The following RIT2 variants were observed in gnomAD, a reference collection of about 807,000 sequenced individuals.
RIT2 encodes GTP-binding protein Rit2.
A neutral mutation model predicts 23.7 loss-of-function variants in RIT2; 24 were observed. That is an observed-to-expected ratio of 1.01 (90% CI 0.73 to 1.43). RIT2 has a LOEUF of 1.43. Among genes scored for constraint, RIT2 ranks in the 40% most tolerant of loss-of-function variants. RIT2 has a pLI of 0.00. For synonymous variants in RIT2, 107 were observed against 91.1 expected, an observed-to-expected ratio of 1.17 and a Z score of -0.99; for missense variants, 236 against 266.9, an observed-to-expected ratio of 0.88 and a Z score of 0.81.
At chr18:42,991,949 T>C (rs1231502864) in intron 2 of RIT2, among the ~76,000 whole-genome samples, 1 of 152,150 alleles carries the variant, frequency 6.6e-6, no homozygotes, top group Non-Finnish European at 1.5e-5. Flanking sequence ...TTCACACAGA[T>C]GCACATGAAA....
At chr18:42,988,971 T>C (rs1340424190) in intron 2 of RIT2, among the ~76,000 whole-genome samples, 1 of 152,172 alleles carries the variant, frequency 6.6e-6, no homozygotes, top group Non-Finnish European at 1.5e-5. Flanking sequence ...TCAAAACTGA[T>C]TAACAATAAA....
intron 3 of RIT2, among the ~76,000 whole-genome samples, chr18:42,962,171 C>T (rs1910108262): frequency 6.6e-6 from 1 of 152,130 alleles, no homozygotes; most frequent in Admixed American, 6.5e-5. Flanking sequence ...CCAGAAAGAA[C>T]TTTGGATTTC....
intron 1 of RIT2, among the ~76,000 whole-genome samples, chr18:43,071,230 C>T (rs1369342163): frequency 6.6e-6 from 1 of 152,056 alleles, no homozygotes; most frequent in East Asian, 1.9e-4. Context: ...GAATATTCTC[C>T]CTTTTCAAAA....
chr18:42,824,751 G>GTGTGTA lies in RIT2; in HGVS notation c.427-81037_427-81032dup, dbSNP rs1050089961. On this transcript the variant is annotated intron_variant, in intron 4 of 4. Transcript: ENST00000326695. Reference sequence around the variant, plus strand: ...CTAGTTTAAAACCTGTAGGGGCTTTGTGTGTATGTGTGTGTGTGTGTGTGT... The same window carrying GTGTGTA: ...CTAGTTTAAAACCTGTAGGGGCTTTGTGTGTATGTGTATGTGTGTGTGTGTGTGTGT... Among the ~76,000 whole-genome samples the GTGTGTA allele has an allele frequency of 3.9e-4, 55 of 142,378 alleles. 1 individual carries two copies. In the South Asian group the frequency reaches 5.5e-3, roughly 14 times the overall value. 93.4% of individuals were successfully genotyped at this position (142,378 alleles called of 152,430 possible). A position where few individuals can be genotyped will look rare whatever the true frequency, so the allele number is the denominator to read the frequency against.
At chr18:43,093,468 T>A (rs1200309768) in intron 1 of RIT2, among the ~76,000 whole-genome samples, 2 of 151,992 alleles carry the variant, frequency 1.3e-5, no homozygotes, top group African/African-American at 4.8e-5. Context: ...ATCAGCAATT[T>A]ATTGTTATAG....
At chr18:43,071,206 C>G (rs970337342) in intron 1 of RIT2, among the ~76,000 whole-genome samples, 3 of 152,118 alleles carry the variant, frequency 2.0e-5, no homozygotes, top group Non-Finnish European at 4.4e-5. Context: ...AAGTAAACAT[C>G]TTTTAAAAGT....
intron 4 of RIT2, among the ~76,000 whole-genome samples, chr18:42,859,992 TAGAA>T (rs944892646): frequency 1.8e-4 from 27 of 152,220 alleles, no homozygotes; most frequent in African/African-American, 6.5e-4. Context: ...AAAAAAAAAT[TAGAA>T]AGCCTCTTGT....
At chr18:43,111,086 G>A (rs923773053) in intron 1 of RIT2, among the ~76,000 whole-genome samples, 1 of 152,030 alleles carries the variant, frequency 6.6e-6, no homozygotes, top group Non-Finnish European at 1.5e-5. Context: ...AATAAATGTG[G>A]TATATATACA....
At chr18:43,056,148 T>G (rs73951798) in intron 1 of RIT2, among the ~76,000 whole-genome samples, 14,165 of 152,122 alleles carry the variant, frequency 0.093, 751 homozygotes, top group Non-Finnish European at 0.11. Context: ...AAGCAACAGT[T>G]GTCTCTTATT....
chr18:42,888,637 T>C (rs974922556), intron 4 of RIT2, among the ~76,000 whole-genome samples: 1 of 151,918 alleles, frequency 6.6e-6, no homozygotes, highest in Admixed American at 6.6e-5. Flanking sequence ...GTATTCACAA[T>C]AGCAAAGACA....
At chr18:43,049,276 T>C (rs1912321782) in intron 1 of RIT2, among the ~76,000 whole-genome samples, 1 of 152,202 alleles carries the variant, frequency 6.6e-6, no homozygotes, top group African/African-American at 2.4e-5. Flanking sequence ...AGAAAGATCA[T>C]TGAGCAACAG....
chr18:43,030,088 C>T (rs1911819963), intron 2 of RIT2, among the ~76,000 whole-genome samples: 1 of 151,990 alleles, frequency 6.6e-6, no homozygotes, highest in Admixed American at 6.6e-5. Flanking sequence ...CTGGGATACA[C>T]TAGTAATAAC....
At chr18:42,827,817 A>G (rs1405233909) in intron 4 of RIT2, among the ~76,000 whole-genome samples, 4 of 152,034 alleles carry the variant, frequency 2.6e-5, no homozygotes, top group Admixed American at 6.6e-5. Flanking sequence ...CATCCTGGCT[A>G]ACACGGTGAA....
intron 2 of RIT2, among the ~76,000 whole-genome samples, chr18:42,984,661 G>A (rs1910669656): frequency 6.6e-6 from 1 of 151,764 alleles, no homozygotes; most frequent in Admixed American, 6.6e-5. Context: ...AATTCCACGT[G>A]AAATTATAAT....
At chr18:42,951,378 G>A (rs1342766828) in intron 3 of RIT2, among the ~76,000 whole-genome samples, 1 of 151,806 alleles carries the variant, frequency 6.6e-6, no homozygotes, top group African/African-American at 2.4e-5. Context: ...TAAACATCAA[G>A]TACTCCTGGA....
chr18:42,777,494 G>C (rs578052986), intron 4 of RIT2, among the ~76,000 whole-genome samples: 152 of 152,140 alleles, frequency 1.0e-3, no homozygotes, highest in Middle Eastern at 3.4e-3. Flanking sequence ...AATAACCGGG[G>C]AAATGTGGAA....
At chr18:42,818,996 C>T (rs1906072749) in intron 4 of RIT2, among the ~76,000 whole-genome samples, 1 of 151,890 alleles carries the variant, frequency 6.6e-6, no homozygotes, top group Admixed American at 6.6e-5. Context: ...ACATATTGCA[C>T]AGAATTAAGG....
At chr18:42,968,493 C>G (rs1402563863) in intron 3 of RIT2, among the ~76,000 whole-genome samples, 8 of 152,104 alleles carry the variant, frequency 5.3e-5, no homozygotes, top group Admixed American at 5.2e-4. Flanking sequence ...TCCCCAAGAT[C>G]AAAGGGTATG....
chr18:42,936,562 C>G (rs1018844923), intron 3 of RIT2, among the ~76,000 whole-genome samples: 2 of 152,154 alleles, frequency 1.3e-5, no homozygotes, highest in African/African-American at 2.4e-5. Flanking sequence ...TCTAACTACT[C>G]GGAAACTTTT....
Sources: allele counts gnomAD v4.1 joint callset (sites outside exome capture counted in the v4.1 genomes callset), GRCh38; gene constraint gnomAD v4.1.1; transcripts MANE v1.5; gene names NCBI Gene and HGNC (gene_info 2026-07-23, HGNC 2026-07-21).